RYK: variants seen among roughly 807,000 people sequenced by gnomAD.
RYK encodes the protein receptor like tyrosine kinase, also known as inactive tyrosine-protein kinase RYK.
Under a neutral mutation model 70.2 loss-of-function variants are expected in RYK, and 21 were observed. The observed-to-expected ratio is 0.30, with a 90% CI of 0.21 to 0.43. RYK has a LOEUF of 0.43. Ranked by LOEUF, RYK falls within the 20% of genes least tolerant of loss-of-function variation. The probability of loss-of-function intolerance (pLI) is 1.00; values close to 1 mark genes in which losing one functional copy is unlikely to be tolerated. For synonymous variants in RYK, 267 were observed against 278.0 expected (o/e 0.96, Z 0.39); for missense variants, 604 against 753.3 (o/e 0.80, Z 2.32).
chr3:134,249,917 G>GTTTTTTTGT (rs2015564368), intron 1 of RYK, among the ~76,000 whole-genome samples: 2 of 93,366 alleles, frequency 2.1e-5, no homozygotes, highest in African/African-American at 1.1e-4. Flanking sequence ...TTTCTCTCTC[G>GTTTTTTTGT]TTTTTTTTTT....
chr3:134,232,706 A>C (rs2015095229), intron 1 of RYK, among the ~76,000 whole-genome samples: 1 of 152,202 alleles, frequency 6.6e-6, no homozygotes, highest in Non-Finnish European at 1.5e-5. Flanking sequence ...GAAACCAATA[A>C]AATTCTGTTC....
chr3:134,187,540 ACCT>A (rs2013504064), intron 9 of RYK, among the ~76,000 whole-genome samples: 2 of 152,050 alleles, frequency 1.3e-5, no homozygotes, highest in African/African-American at 4.8e-5. Flanking sequence ...AATAAGACTT[ACCT>A]CAGAATTATT....
intron 13 of RYK, among the ~76,000 whole-genome samples, chr3:134,174,234 T>C (rs910021559): frequency 6.6e-6 from 1 of 152,190 alleles, no homozygotes; most frequent in African/African-American, 2.4e-5. Flanking sequence ...TGACTACACC[T>C]TGATTTCAGA....
intron 1 of RYK, among the ~76,000 whole-genome samples, chr3:134,248,418 C>T (rs1303863773): frequency 6.6e-6 from 1 of 152,154 alleles, no homozygotes; most frequent in Admixed American, 6.5e-5. Context: ...TGCTAATTAG[C>T]AATGATTTAT....
intron 6 of RYK, among the ~76,000 whole-genome samples, chr3:134,197,826 C>A (rs559729559): frequency 6.6e-6 from 1 of 152,334 alleles, no homozygotes; most frequent in African/African-American, 2.4e-5. Flanking sequence ...ACTAAGTGCA[C>A]AGACACAGTC....
At chr3:134,232,432 G>C (rs528356062) in intron 1 of RYK, among the ~76,000 whole-genome samples, 52 of 152,266 alleles carry the variant, frequency 3.4e-4, no homozygotes, top group African/African-American at 1.1e-3. Flanking sequence ...ACAAGATGAT[G>C]CTTGTACCCT....
intron 13 of RYK, among the ~76,000 whole-genome samples, chr3:134,162,097 CAT>C (rs1576499199): frequency 6.6e-6 from 1 of 152,192 alleles, no homozygotes; most frequent in Admixed American, 6.5e-5. Context: ...ATTTTCTCCT[CAT>C]GTGTGTGTCT....
chr3:134,188,585 A>G (rs1332549794), intron 9 of RYK, among the ~76,000 whole-genome samples: 1 of 152,258 alleles, frequency 6.6e-6, no homozygotes, highest in African/African-American at 2.4e-5. Context: ...TTGACTTGCA[A>G]TTAACTGAGT....
chr3:134,233,137 C>T (rs1431738421), intron 1 of RYK, among the ~76,000 whole-genome samples: 1 of 152,240 alleles, frequency 6.6e-6, no homozygotes, highest in Non-Finnish European at 1.5e-5. Flanking sequence ...CTCTCACTCT[C>T]TTCTGAGGCA....
intron 5 of RYK, among the ~76,000 whole-genome samples, chr3:134,204,617 A>ACACG (rs957619083): frequency 3.3e-5 from 5 of 151,810 alleles, no homozygotes; most frequent in African/African-American, 9.7e-5. Context: ...ACACACACAC[A>ACACG]CACACACACA....
At position 134,222,553 on chromosome 3, in the gene RYK, G is replaced by A. The variant is rs1053616892; in HGVS notation, c.233-14C>T. ...CTGCATCAAGACCTAGAAAAAAATAGGAAAAAAATAATTAAACACTTAAAA... is the reference window on the plus strand; with the variant it reads ...CTGCATCAAGACCTAGAAAAAAATAAGAAAAAAATAATTAAACACTTAAAA... On this transcript the variant is annotated splice_polypyrimidine_tract_variant and intron_variant, in intron 1 of 14. Coordinates refer to ENST00000623711, the MANE Select transcript of RYK (RefSeq NM_002958.4). 2.6e-6 allele frequency: 4 copies of A among 1,557,670 alleles called. No homozygotes were observed. Among genetic ancestry groups the A allele is most frequent in the South Asian group, 1.2e-5 (1 of 85,206 alleles).
At chr3:134,247,698 G>A (rs1377602257) in intron 1 of RYK, among the ~76,000 whole-genome samples, 7 of 141,310 alleles carry the variant, frequency 5.0e-5, no homozygotes, top group Non-Finnish European at 1.1e-4. Context: ...GCGAAACTCC[G>A]TCTCAAAAAA....
intron 2 of RYK, among the ~76,000 whole-genome samples, chr3:134,216,792 C>CAAAAAAAAAAAAAAAAAAAAAAAAAAAAA (rs61441674): frequency 2.7e-5 from 1 of 37,426 alleles, no homozygotes; most frequent in Non-Finnish European, 4.6e-5. Context: ...GACTCTGTCT[C>CAAAAAAAAAAAAAAAAAAAAAAAAAAAAA]AAAAAAAAAA....
At chr3:134,197,894 A>C (rs1001212047) in intron 6 of RYK, among the ~76,000 whole-genome samples, 1 of 152,210 alleles carries the variant, frequency 6.6e-6, no homozygotes, top group African/African-American at 2.4e-5. Context: ...TTTTGAAAAG[A>C]CTGTAGGCAC....
At chr3:134,169,310 C>A (rs1282584536) in intron 13 of RYK, among the ~76,000 whole-genome samples, 2 of 152,056 alleles carry the variant, frequency 1.3e-5, no homozygotes, top group Non-Finnish European at 2.9e-5. Context: ...GAAAGTAGTT[C>A]TTAAGAGCAG....
chr3:134,176,916 C>G (rs2013122937), intron 11 of RYK, among the ~76,000 whole-genome samples: 2 of 151,962 alleles, frequency 1.3e-5, no homozygotes, highest in Admixed American at 1.3e-4. Flanking sequence ...GGCGTGGTGG[C>G]AGGCGCCTGT....
intron 13 of RYK, among the ~76,000 whole-genome samples, chr3:134,159,938 TCCATTCATGGTCCGTTCGGGGCTCTC>T (rs1377468272): frequency 6.6e-6 from 1 of 152,220 alleles, no homozygotes. Context: ...GGCAACAGTG[TCCATTCATGGTCCGTTCGGGGCTCTC>T]CATTTTGGCC....
intron 5 of RYK, 64 bp downstream of exon 5, chr3:134,207,408 G>A: frequency 9.7e-7 from 1 of 1,031,462 alleles, no homozygotes; most frequent in South Asian, 1.7e-5. Context: ...ATGCAATCAT[G>A]TTTATATGCA....
intron 2 of RYK, among the ~76,000 whole-genome samples, chr3:134,214,711 C>A (rs1282001527): frequency 1.3e-5 from 2 of 152,228 alleles, no homozygotes; most frequent in Admixed American, 1.3e-4. Context: ...ATCCCTTCCT[C>A]ACTGACCCTC....
Sources: allele counts gnomAD v4.1 joint callset (sites outside exome capture counted in the v4.1 genomes callset), GRCh38; gene constraint gnomAD v4.1.1; transcripts MANE v1.5; gene names NCBI Gene and HGNC (gene_info 2026-07-23, HGNC 2026-07-21).